The following CSMD3 variants were observed in gnomAD, a reference collection of about 807,000 sequenced individuals.
CSMD3 encodes the protein CUB and Sushi multiple domains 3.
CSMD3 carries 177 observed loss-of-function variants against 435.2 expected under a neutral mutation model. The ratio of observed to expected loss-of-function variants is 0.41; its 90% confidence interval spans 0.36 to 0.46. The LOEUF (loss-of-function observed/expected upper bound fraction) is 0.46, where lower values mean the gene tolerates loss of function less well. Ranked by LOEUF, CSMD3 falls within the 20% of genes least tolerant of loss-of-function variation. The pLI, the probability that CSMD3 is intolerant of heterozygous loss-of-function variation, is 0.34. For missense variants in CSMD3, 4,265 were observed against 4,504.6 expected, an observed-to-expected ratio of 0.95 and a Z score of 1.52; for synonymous variants, 1,656 against 1,520.5, an observed-to-expected ratio of 1.09 and a Z score of -2.07.
chr8:113,348,634 G>C (rs2094168617), intron 1 of CSMD3, among the ~76,000 whole-genome samples: 1 of 152,052 alleles, frequency 6.6e-6, no homozygotes, highest in African/African-American at 2.4e-5. Flanking sequence ...GCTACATCGA[G>C]ATTGTGTTCA....
intron 70 of CSMD3, 56 bp from the exon 71 acceptor site, chr8:112,224,986 C>T: frequency 6.6e-7 from 1 of 1,506,116 alleles, no homozygotes; most frequent in Non-Finnish European, 9.2e-7. Flanking sequence ...AAACAGCAGA[C>T]TACAGCTCAA....
chr8:112,635,819 T>C (rs1013942366), intron 22 of CSMD3, among the ~76,000 whole-genome samples: 1 of 152,258 alleles, frequency 6.6e-6, no homozygotes, highest in South Asian at 2.1e-4. Context: ...TTCTTCAATC[T>C]CATTTCAACC....
chr8:113,379,356 A>G (rs952934213), intron 1 of CSMD3, among the ~76,000 whole-genome samples: 3 of 152,222 alleles, frequency 2.0e-5, no homozygotes, highest in Non-Finnish European at 2.9e-5. Flanking sequence ...ATAAAACTAA[A>G]TACAACAGTT....
At chr8:112,641,722 C>A (rs932287836) in intron 20 of CSMD3, among the ~76,000 whole-genome samples, 1 of 152,056 alleles carries the variant, frequency 6.6e-6, no homozygotes, top group Non-Finnish European at 1.5e-5. Context: ...CCTGTAGTCC[C>A]ACCTACTCAG....
chr8:113,174,718 T>G (rs1416352980), intron 3 of CSMD3, among the ~76,000 whole-genome samples: 1 of 151,876 alleles, frequency 6.6e-6, no homozygotes, highest in Admixed American at 6.6e-5. Context: ...ATTAAAAATA[T>G]TAGAGGTTAT....
Position 112,519,336 on chromosome 8 carries a change from G to T in CSMD3, c.4565-2111C>A, listed in dbSNP as rs140618165. ...CTCACTCGTAATAATATCATAAAAG[G>T]AACATACTTGAAAGTGAATAATAGG... On this transcript the variant is annotated intron_variant, in intron 27 of 70. Transcript: ENST00000297405. 1.1e-3 allele frequency among the ~76,000 whole-genome samples: 161 copies of T among 152,170 alleles called. 2 individuals carry two copies. Among genetic ancestry groups the T allele is most frequent in the African/African-American group, 3.8e-3 (159 of 41,520 alleles).
intron 10 of CSMD3, among the ~76,000 whole-genome samples, chr8:112,895,552 G>A (rs1428400669): frequency 2.0e-5 from 3 of 151,314 alleles, no homozygotes; most frequent in Admixed American, 2.0e-4. Context: ...AAATGAATAG[G>A]TGGATGTAAG....
At chr8:112,589,438 T>A (rs1830991059) in intron 22 of CSMD3, among the ~76,000 whole-genome samples, 1 of 152,196 alleles carries the variant, frequency 6.6e-6, no homozygotes, top group Non-Finnish European at 1.5e-5. Context: ...ATTATGGTTC[T>A]TTTCAGTATC....
intron 22 of CSMD3, among the ~76,000 whole-genome samples, chr8:112,606,972 GAAAAAAAAAAA>G (rs71309778): frequency 2.7e-5 from 1 of 36,644 alleles, no homozygotes; most frequent in Admixed American, 4.3e-4. Context: ...CTCAAGCTAT[GAAAAAAAAAAA>G]AAAAAAAAAA....
At chr8:113,097,548 C>A (rs909208087) in intron 5 of CSMD3, among the ~76,000 whole-genome samples, 3 of 152,008 alleles carry the variant, frequency 2.0e-5, no homozygotes, top group Non-Finnish European at 4.4e-5. Context: ...TATCCTCTTT[C>A]TATATATCCA....
intron 11 of CSMD3, among the ~76,000 whole-genome samples, chr8:112,854,798 A>G (rs2080599050): frequency 6.6e-6 from 1 of 152,120 alleles, no homozygotes; most frequent in African/African-American, 2.4e-5. Context: ...CTTTCCCTGA[A>G]GTCCTAGCAA....
intron 5 of CSMD3, among the ~76,000 whole-genome samples, chr8:113,079,798 T>C (rs1053463135): frequency 6.6e-6 from 1 of 152,200 alleles, no homozygotes; most frequent in Non-Finnish European, 1.5e-5. Context: ...TGTTCAGTTA[T>C]AATATTCTGA....
chr8:112,666,230 C>G, intron 17 of CSMD3, 47 bp downstream of exon 17: 2 of 1,401,730 alleles, frequency 1.4e-6, no homozygotes, highest in South Asian at 2.4e-5. Context: ...GTCAACTAAT[C>G]TTTTAGATAA....
chr8:113,141,712 C>T (rs2091553676), intron 4 of CSMD3, among the ~76,000 whole-genome samples: 1 of 150,928 alleles, frequency 6.6e-6, no homozygotes, highest in African/African-American at 2.4e-5. Flanking sequence ...TAACAAATAA[C>T]CTATAGATAA....
chr8:112,756,744 C>T (rs2077707989), intron 13 of CSMD3, among the ~76,000 whole-genome samples: 2 of 150,686 alleles, frequency 1.3e-5, no homozygotes, highest in South Asian at 2.1e-4. Context: ...TTTTTTCTCC[C>T]TCCTTTAAAA....
intron 22 of CSMD3, among the ~76,000 whole-genome samples, chr8:112,618,173 T>A (rs763102401): frequency 1.3e-5 from 2 of 152,092 alleles, no homozygotes; most frequent in African/African-American, 4.8e-5. Flanking sequence ...ACAGTAAGAT[T>A]TAGTGTGATT....
chr8:112,474,579 A>AAGG (rs1438811768), intron 31 of CSMD3, among the ~76,000 whole-genome samples: 1 of 152,272 alleles, frequency 6.6e-6, no homozygotes, highest in East Asian at 1.9e-4. Flanking sequence ...GACTTGAGAA[A>AAGG]AGGAGATTAG....
At chr8:112,724,998 A>G (rs1270275845) in intron 13 of CSMD3, among the ~76,000 whole-genome samples, 1 of 152,104 alleles carries the variant, frequency 6.6e-6, no homozygotes, top group Non-Finnish European at 1.5e-5. Context: ...TTGTTACCAT[A>G]GTAGTGAAAG....
intron 41 of CSMD3, among the ~76,000 whole-genome samples, chr8:112,343,001 T>TTA (rs34740069): frequency 0.56 from 61,021 of 108,376 alleles, 17,358 homozygotes; most frequent in Admixed American, 0.68. Flanking sequence ...ATATATATAT[T>TTA]TATATATATA....
Sources: gnomAD v4.1 joint callset for allele counts (sites outside exome capture counted in the v4.1 genomes callset) on GRCh38, gnomAD v4.1.1 for gene constraint, MANE v1.5 for transcripts, NCBI Gene and HGNC (gene_info 2026-07-23, HGNC 2026-07-21) for gene names.